PACRGL: variants seen among roughly 807,000 people sequenced by gnomAD.
PACRGL encodes parkin coregulated like.
PACRGL carries 38 observed loss-of-function variants against 34.5 expected under a neutral mutation model. The ratio of observed to expected loss-of-function variants is 1.10; its 90% CI spans 0.85 to 1.44. The LOEUF is 1.44. PACRGL is among the 40% of genes most tolerant of loss of function. The probability of loss-of-function intolerance (pLI) is 0.00; values close to 1 mark genes in which losing one functional copy is unlikely to be tolerated. For missense variants in PACRGL, 305 were observed against 281.4 expected (o/e 1.08, Z -0.60); for synonymous variants, 128 against 100.1 (o/e 1.28, Z -1.66).
Position 20,727,566 on chromosome 4 carries a change from T to G in PACRGL, c.*225T>G. 1 of 403,928 alleles carries G rather than the reference T, an allele frequency of 2.5e-6. No homozygotes were observed. The allele number at this position is 403,928 out of a possible 1,614,324, so 25.0% of individuals were successfully genotyped here. ...TAAGAGTACAATTTTGAGGTTTATT[T>G]TTTGTATTTTTATTATTTGTGCGAA... On this transcript the variant is annotated 3_prime_UTR_variant, in exon 9 of 9. Transcript: ENST00000503585.
At chr4:20,703,501 T>G (rs1264501437) in intron 1 of PACRGL, among the ~76,000 whole-genome samples, 1 of 145,066 alleles carries the variant, frequency 6.9e-6, no homozygotes, top group Admixed American at 7.1e-5. Flanking sequence ...TGTGTGTGTG[T>G]GTGTGTGTGT....
At chr4:20,721,054 T>G (rs2149168652) in intron 7 of PACRGL, among the ~76,000 whole-genome samples, 1 of 152,280 alleles carries the variant, frequency 6.6e-6, no homozygotes, top group East Asian at 1.9e-4. Context: ...AAACTTCACT[T>G]CTCGCTTCAT....
chr4:20,751,309 A>G lies in PACRGL; in HGVS notation c.*57-1256A>G, dbSNP rs78768792. On this transcript the variant is annotated intron_variant, in intron 8 of 8. Coordinates refer to the PACRGL transcript ENST00000507634. Reference sequence around the variant, plus strand: ...GAGTGGATATCCATCCAGTATTGATACATTGCAGGAAGAAATTCTTTTGCA... The same window carrying G: ...GAGTGGATATCCATCCAGTATTGATGCATTGCAGGAAGAAATTCTTTTGCA... Among the ~76,000 whole-genome samples the G allele has an allele frequency of 9.3e-3, 1,423 of 152,322 alleles. 21 individuals carry two copies. Among genetic ancestry groups the G allele is most frequent in the African/African-American group, 0.032 (1,345 of 41,564 alleles).
chr4:20,706,782 G>A (rs1361985166), intron 3 of PACRGL, among the ~76,000 whole-genome samples: 1 of 152,012 alleles, frequency 6.6e-6, no homozygotes, highest in Non-Finnish European at 1.5e-5. Context: ...CACCGTGTTA[G>A]CCAGGATGGT....
At chr4:20,717,658 A>C (rs1740791509) in intron 7 of PACRGL, among the ~76,000 whole-genome samples, 1 of 152,030 alleles carries the variant, frequency 6.6e-6, no homozygotes, top group Non-Finnish European at 1.5e-5. Context: ...GTGTGGTATT[A>C]TTTCTGAGGC....
At chr4:20,765,499 T>G in the PACRGL span, among the ~76,000 whole-genome samples, 1 of 152,184 alleles carries the variant, frequency 6.6e-6, no homozygotes, top group Non-Finnish European at 1.5e-5. Context: ...CTTTTTCTTT[T>G]TAGAAATCTT....
At chr4:20,737,129 G>A (rs939225419), downstream of PACRGL, among the ~76,000 whole-genome samples, 5 of 152,006 alleles carry the variant, frequency 3.3e-5, no homozygotes, top group Non-Finnish European at 7.4e-5. Flanking sequence ...TGGCATGAAG[G>A]GTAGAATGTC....
chr4:20,697,795 A>G (rs1731304142), upstream of PACRGL, among the ~76,000 whole-genome samples: 3 of 152,194 alleles, frequency 2.0e-5, no homozygotes, highest in Admixed American at 2.0e-4. Context: ...AAATTGTTTC[A>G]CTGTGTCCTC....
Position 20,741,146 on chromosome 4 carries a change from G to A in PACRGL, c.*57-11419G>A, listed in dbSNP as rs187893680. ...GGGAGGCTTTAACACCCCACTGTCA[G>A]CATTACACAGATCAATGAGACAGAA... On this transcript the variant is annotated intron_variant, in intron 8 of 8. Coordinates refer to the PACRGL transcript ENST00000507634. Among the ~76,000 whole-genome samples the A allele has an allele frequency of 2.3e-3, 354 of 152,166 alleles. 8 individuals are homozygous for A. The South Asian group carries it at 0.046, about 20-fold the overall frequency.
At chr4:20,737,523 A>T (rs1290991565), downstream of PACRGL, among the ~76,000 whole-genome samples, 1 of 149,164 alleles carries the variant, frequency 6.7e-6, no homozygotes, top group Non-Finnish European at 1.5e-5. Flanking sequence ...AAGGGAGTTG[A>T]TACATGAGAC....
At chr4:20,716,710 C>T (rs1384042383) in intron 7 of PACRGL, among the ~76,000 whole-genome samples, 1 of 152,172 alleles carries the variant, frequency 6.6e-6, no homozygotes, top group East Asian at 1.9e-4. Flanking sequence ...ATATGTGCCA[C>T]ATTTTCTTAA....
At chr4:20,758,422 C>T in the PACRGL span, among the ~76,000 whole-genome samples, 1 of 152,114 alleles carries the variant, frequency 6.6e-6, no homozygotes, top group Non-Finnish European at 1.5e-5. Context: ...TTACCTTCTC[C>T]AATCCCCAGA....
At position 20,731,192 on chromosome 4, in the gene PACRGL, CCCAAGTAGCTGAGACTTCAG is replaced by C; in HGVS notation, c.*3855_*3874del. On this transcript the variant is annotated 3_prime_UTR_variant, in exon 9 of 9. Transcript: ENST00000503585. Reference sequence around the variant, plus strand: ...TCAAGTGATCTTCCTGCCTCAGCCTCCCAAGTAGCTGAGACTTCAGCCACGTGCCACCGTGCCCAGCTAAC... The same window carrying C: ...TCAAGTGATCTTCCTGCCTCAGCCTCCCACGTGCCACCGTGCCCAGCTAAC... 6.4e-6 allele frequency: 1 copy of C among 157,372 alleles called. No individual in the cohort carries two copies. The highest frequency in any genetic ancestry group is 1.4e-5 in the Non-Finnish European group (1 of 72,726). 9.7% of individuals were successfully genotyped at this position (157,372 alleles called of 1,614,324 possible). A position where few individuals can be genotyped will look rare whatever the true frequency, so the allele number is the denominator to read the frequency against.
At chr4:20,711,137 C>G (rs1276168580) in intron 5 of PACRGL, among the ~76,000 whole-genome samples, 1 of 151,774 alleles carries the variant, frequency 6.6e-6, no homozygotes, top group African/African-American at 2.4e-5. Context: ...AACCTTAAGC[C>G]TTTTAAACCA....
rs184395851 is a variant in PACRGL, at chr4:20,716,396, C to T, written c.609+2857C>T. The T allele has an allele frequency of 5.1e-4, 289 of 568,372 alleles. 1 individual carries two copies. The highest frequency in any genetic ancestry group is 4.7e-3 in the African/African-American group (247 of 52,528). The allele number at this position is 568,372 out of a possible 1,614,324, so 35.2% of individuals were successfully genotyped here. ...TAAGTTCTAGGGTACATGTGCACAA[C>T]GTGCAGGTTTGTTACGTATGTATAC... On this transcript the variant is annotated intron_variant, in intron 7 of 8. Coordinates refer to ENST00000503585, the MANE Select transcript of PACRGL (RefSeq NM_001258345.3).
At position 20,732,188 on chromosome 4, in the gene PACRGL, G is replaced by A; in HGVS notation, c.*4847G>A. 1.4e-6 allele frequency: 1 copy of A among 697,942 alleles called. No individual in the cohort carries two copies. Among genetic ancestry groups the A allele is most frequent in the Non-Finnish European group, 2.4e-6 (1 of 412,468 alleles). 43.2% of individuals were successfully genotyped at this position (697,942 alleles called of 1,614,324 possible). On this transcript the variant is annotated 3_prime_UTR_variant, in exon 9 of 9. Transcript: ENST00000503585. ...AGCTGCTTATTTATTTCACGTGGAG[G>A]AACTGTTTCAGAGCAGGAACCAGCA...
At chr4:20,720,221 GTC>G (rs915698643) in intron 7 of PACRGL, among the ~76,000 whole-genome samples, 15 of 152,052 alleles carry the variant, frequency 9.9e-5, no homozygotes, top group African/African-American at 3.6e-4. Context: ...GCCTATGTGT[GTC>G]TCTGCACATG....
rs1578379414 is a variant in PACRGL at position 20,728,618 on chromosome 4, C to CATTT, written c.*1278_*1281dup. 1 of 152,678 alleles carries CATTT rather than the reference C, an allele frequency of 6.5e-6. No homozygotes were observed. The highest frequency in any genetic ancestry group is 1.9e-4 in the East Asian group (1 of 5,182). The allele number at this position is 152,678 out of a possible 1,614,324, so 9.5% of individuals were successfully genotyped here. A position where few individuals can be genotyped will look rare whatever the true frequency, so the allele number is the denominator to read the frequency against. On this transcript the variant is annotated 3_prime_UTR_variant, in exon 9 of 9. Coordinates refer to ENST00000503585, the MANE Select transcript of PACRGL (RefSeq NM_001258345.3). ...GTAACATAGACAGTAGAGTTATAAA[C>CATTT]ATTTTATTTTGCTTTTATTTTTTCT...
chr4:20,733,833 A>G (rs1190974425), downstream of PACRGL, among the ~76,000 whole-genome samples: 1 of 152,192 alleles, frequency 6.6e-6, no homozygotes, highest in East Asian at 1.9e-4. Flanking sequence ...TGCAAGAAAC[A>G]CAAATGAAAC....
Sources: allele counts gnomAD v4.1 joint callset (sites outside exome capture counted in the v4.1 genomes callset), GRCh38; gene constraint gnomAD v4.1.1; transcripts MANE v1.5; gene names NCBI Gene and HGNC (gene_info 2026-07-23, HGNC 2026-07-21).